Variants in PPP1R9A observed in about 807,000 individuals in gnomAD.
PPP1R9A encodes the protein protein phosphatase 1 regulatory subunit 9A.
PPP1R9A carries 59 observed loss-of-function variants against 141.9 expected under a neutral mutation model. That is an observed-to-expected ratio of 0.42 (90% CI 0.34 to 0.52). The LOEUF (loss-of-function observed/expected upper bound fraction) is 0.52. Among genes scored for constraint, PPP1R9A ranks in the 20% least tolerant of loss-of-function variants. The pLI, the probability that PPP1R9A is intolerant of heterozygous loss-of-function variation, is 0.10. For missense variants in PPP1R9A, 1,444 were observed against 1,611.9 expected, an observed-to-expected ratio of 0.90 and a Z score of 1.78; for synonymous variants, 500 against 569.7, an observed-to-expected ratio of 0.88 and a Z score of 1.74.
chr7:95,062,537 G>A (rs1812377196), intron 2 of PPP1R9A, among the ~76,000 whole-genome samples: 1 of 151,396 alleles, frequency 6.6e-6, no homozygotes, highest in Admixed American at 6.6e-5. Flanking sequence ...ACAGGTGTGT[G>A]CCACCACACC....
intron 5 of PPP1R9A, among the ~76,000 whole-genome samples, chr7:95,180,065 A>C (rs1833513166): frequency 6.6e-6 from 1 of 152,186 alleles, no homozygotes; most frequent in African/African-American, 2.4e-5. Context: ...CTGTATAGCC[A>C]AAGCAAGACT....
At chr7:95,286,389 A>C (rs1225669652) in intron 18 of PPP1R9A, 64 bp downstream of exon 18, 1 of 1,588,796 alleles carries the variant, frequency 6.3e-7, no homozygotes, top group African/African-American at 1.3e-5. Flanking sequence ...ATGAACCATC[A>C]CCAGGAAAAT....
At chr7:94,966,427 C>A (rs1038450198) in intron 2 of PPP1R9A, among the ~76,000 whole-genome samples, 8 of 152,096 alleles carry the variant, frequency 5.3e-5, no homozygotes, top group Admixed American at 1.3e-4. Flanking sequence ...AATTTTTGGC[C>A]ATTGATTATG....
Position 95,251,959 on chromosome 7 carries a change from A to C in PPP1R9A, c.2494A>C (p.Ile832Leu). ...TTATAAATGGATTTGTTTTTCCTAG[A>C]TTAGAGATTTGGAAGCTGAGGTATT... ...LVEVQGLQVR[I>L]RDLEAEVFRL... Residue 832 changes from isoleucine (I) to leucine (L), a missense_variant and splice_region_variant, in exon 12 of 20, where the codon ATT (isoleucine) becomes CTT (leucine). Around this residue, in one of 5 missense-constraint regions of PPP1R9A, gnomAD observed 488 missense variants for 542.0 expected, o/e 0.90. Coordinates refer to ENST00000433360, the MANE Select transcript of PPP1R9A (RefSeq NM_001166160.2). 6.2e-7 allele frequency: 1 copy of C among 1,606,038 alleles called. No homozygotes were observed. The highest frequency in any genetic ancestry group is 8.5e-7 in the Non-Finnish European group (1 of 1,177,866).
intron 2 of PPP1R9A, among the ~76,000 whole-genome samples, chr7:95,052,364 G>A (rs796814856): frequency 1.3e-4 from 20 of 152,268 alleles, no homozygotes; most frequent in African/African-American, 4.8e-4. Flanking sequence ...GACTGTGATA[G>A]AGGGAATGGA....
Position 95,269,066 on chromosome 7 carries a change from C to A in PPP1R9A, c.2824-141C>A, listed in dbSNP as rs540556680. 8.6e-5 allele frequency: 64 copies of A among 745,614 alleles called. No individual in the cohort carries two copies. In the South Asian group the frequency reaches 1.2e-3, roughly 14 times the overall value. The allele number at this position is 745,614 out of a possible 1,614,324, so 46.2% of individuals were successfully genotyped here. On this transcript the variant is annotated intron_variant, in intron 13 of 19. Transcript: ENST00000433360. Reference sequence around the variant, plus strand: ...GTTAATATGGTGAATTGGTATGAACCATGCATTCTCATCTGTAAATCAACA... The same window carrying A: ...GTTAATATGGTGAATTGGTATGAACAATGCATTCTCATCTGTAAATCAACA...
At chr7:95,219,575 G>A (rs1252918250) in intron 7 of PPP1R9A, among the ~76,000 whole-genome samples, 1 of 151,952 alleles carries the variant, frequency 6.6e-6, no homozygotes, top group African/African-American at 2.4e-5. Flanking sequence ...TTCCAACTTG[G>A]TTCCATTCTC....
rs746143150 is a variant in PPP1R9A, at chr7:95,269,377, C to G, written c.2994C>G (p.Asp998Glu). 2 of 1,598,114 alleles carry G rather than the reference C, an allele frequency of 1.3e-6. No homozygotes were observed. The highest frequency in any genetic ancestry group is 1.7e-6 in the Non-Finnish European group (2 of 1,179,148). The change falls in exon 14 of 20, where the codon GAC (aspartate) becomes GAG (glutamate). Residue 998 changes from aspartate to glutamate, a missense_variant. Asp to Glu is a conservative substitution (Grantham distance 45). Transcript: ENST00000433360. ...CTGAATTTCAAGAAGAACCACTGGA[C>G]CCAGAAATGGGGCCTCTCTCCTCTA... ...HIAEFQEEPL[D>E]PEMGPLSSMW... is the part of the protein sequence containing the mutation.
rs1458302584 is a variant in PPP1R9A, at chr7:95,294,834, G to A, written c.*4531G>A. 1 of 152,254 alleles carries A rather than the reference G, an allele frequency of 6.6e-6. No individual in the cohort carries two copies. Among genetic ancestry groups the A allele is most frequent in the African/African-American group, 2.4e-5 (1 of 41,436 alleles). 9.4% of individuals were successfully genotyped at this position (152,254 alleles called of 1,614,324 possible). The stretch of plus-strand genomic sequence containing the variant: ...GGGTCCTTATTTGCTTGTCCGTGGT[G>A]TCTATGTGGGCCTATTGAGGGAATG... On this transcript the variant is annotated 3_prime_UTR_variant, in exon 20 of 20. Coordinates refer to ENST00000433360, the MANE Select transcript of PPP1R9A (RefSeq NM_001166160.2).
chr7:95,167,462 A>G (rs1202989937), intron 5 of PPP1R9A, among the ~76,000 whole-genome samples: 3 of 152,190 alleles, frequency 2.0e-5, no homozygotes, highest in Non-Finnish European at 4.4e-5. Flanking sequence ...GGAAAAGCTG[A>G]AAGCCTTTTC....
At chr7:95,147,091 G>A (rs1401336339) in intron 4 of PPP1R9A, among the ~76,000 whole-genome samples, 1 of 152,168 alleles carries the variant, frequency 6.6e-6, no homozygotes, top group Non-Finnish European at 1.5e-5. Flanking sequence ...TGGACAGTAT[G>A]GCCATTTTCA....
intron 5 of PPP1R9A, among the ~76,000 whole-genome samples, chr7:95,169,020 A>C (rs1831700695): frequency 6.6e-6 from 1 of 152,032 alleles, no homozygotes; most frequent in South Asian, 2.1e-4. Context: ...ATGATCCAGC[A>C]GTCCTGCTAC....
rs781646687 is a variant in PPP1R9A at position 95,269,500 on chromosome 7, A to G, written c.3117A>G (p.Arg1039=). 1 of 1,558,858 alleles carries G rather than the reference A, an allele frequency of 6.4e-7. No homozygotes were observed. Among genetic ancestry groups the G allele is most frequent in the Non-Finnish European group, 8.7e-7 (1 of 1,145,344 alleles). ...HHQTTNKKIL[R]EKDDAKDPKS... is the part of the protein sequence containing the mutation. ...AAACCACCAACAAGAAAATATTACG[A>G]GAAAAAGGTATTGTTAATTTCTTTT... The change falls in exon 14 of 20, where the codon CGA becomes CGG. Residue 1039 remains arginine (R), a synonymous_variant. Transcript: ENST00000433360.
chr7:95,183,202 A>G (rs1251518251), intron 5 of PPP1R9A, among the ~76,000 whole-genome samples: 1 of 151,942 alleles, frequency 6.6e-6, no homozygotes, highest in African/African-American at 2.4e-5. Flanking sequence ...CAGTGGTGCA[A>G]TCTCGGCTTA....
At chr7:95,186,221 T>C (rs1342618161) in intron 5 of PPP1R9A, among the ~76,000 whole-genome samples, 1 of 152,158 alleles carries the variant, frequency 6.6e-6, no homozygotes, top group Non-Finnish European at 1.5e-5. Context: ...TTTGTAGTTT[T>C]CCTTGTAGAG....
At chr7:94,966,349 C>T (rs763405701) in intron 2 of PPP1R9A, among the ~76,000 whole-genome samples, 5 of 152,138 alleles carry the variant, frequency 3.3e-5, no homozygotes, top group African/African-American at 9.7e-5. Flanking sequence ...ACTTCCAATA[C>T]TGTGTTGAAT....
At chr7:95,001,159 C>A (rs1802862726) in intron 2 of PPP1R9A, among the ~76,000 whole-genome samples, 4 of 151,960 alleles carry the variant, frequency 2.6e-5, no homozygotes, top group Admixed American at 2.0e-4. Context: ...TCTCTGGGGA[C>A]CTGTATTGTT....
chr7:95,240,628 T>C (rs1439413396), intron 8 of PPP1R9A, among the ~76,000 whole-genome samples: 1 of 152,134 alleles, frequency 6.6e-6, no homozygotes, highest in Non-Finnish European at 1.5e-5. Context: ...GTGTACAGTT[T>C]AATTGTAATT....
chr7:94,946,154 G>A (rs1795871422), intron 2 of PPP1R9A, among the ~76,000 whole-genome samples: 1 of 152,056 alleles, frequency 6.6e-6, no homozygotes, highest in South Asian at 2.1e-4. Context: ...TTATATTTTA[G>A]TGTCTTCAGT....
Sources: allele counts gnomAD v4.1 joint callset (sites outside exome capture counted in the v4.1 genomes callset), GRCh38; gene constraint gnomAD v4.1.1; regional missense constraint gnomAD v4.1.1; transcripts MANE v1.5; gene names NCBI Gene and HGNC (gene_info 2026-07-23, HGNC 2026-07-21).